Variants in MAGI3 observed in about 807,000 individuals in gnomAD.
MAGI3 encodes the protein membrane associated guanylate kinase, WW and PDZ domain containing 3, also known as membrane-associated guanylate kinase, WW and PDZ domain-containing protein 3.
Under a neutral mutation model 121.8 loss-of-function variants are expected in MAGI3, and 43 were observed. That is an observed-to-expected ratio of 0.35 (90% CI 0.28 to 0.46). MAGI3 has a LOEUF of 0.46. MAGI3 is among the 20% of genes least tolerant of loss of function. The probability of loss-of-function intolerance (pLI) is 1.00; values close to 1 mark genes in which losing one functional copy is unlikely to be tolerated. For missense variants in MAGI3, 1,547 were observed against 1,797.3 expected (o/e 0.86, Z 2.52); for synonymous variants, 553 against 639.3 (o/e 0.86, Z 2.04).
chr1:113,444,389 C>T (rs1450284024), intron 1 of MAGI3, among the ~76,000 whole-genome samples: 1 of 152,144 alleles, frequency 6.6e-6, no homozygotes, highest in Non-Finnish European at 1.5e-5. Context: ...GGGTTAGCAC[C>T]TTTACCTCCT....
chr1:113,561,843 G>C (rs1660249434), intron 2 of MAGI3, among the ~76,000 whole-genome samples: 1 of 152,180 alleles, frequency 6.6e-6, no homozygotes, highest in South Asian at 2.1e-4. Context: ...CCGATGACAT[G>C]ATCTCCTATA....
chr1:113,423,261 G>T lies in MAGI3; in HGVS notation c.316+31912G>T, dbSNP rs1299302449. On this transcript the variant is annotated intron_variant, in intron 1 of 20. Coordinates refer to ENST00000307546, the MANE Select transcript of MAGI3 (RefSeq NM_001142782.2). The stretch of plus-strand genomic sequence containing the variant: ...GTAAGTATTCGTTTTTTTTTTTTTG[G>T]GGGGGGGGTTGTTTTTGTTTTTGTT... Among the ~76,000 whole-genome samples the T allele has an allele frequency of 2.8e-3, 394 of 140,868 alleles. 4 individuals are homozygous for T. The highest frequency in any genetic ancestry group is 8.7e-3 in the African/African-American group (341 of 39,380). 92.4% of individuals were successfully genotyped at this position (140,868 alleles called of 152,430 possible). A position where few individuals can be genotyped will look rare whatever the true frequency, so the allele number is the denominator to read the frequency against.
intron 1 of MAGI3, among the ~76,000 whole-genome samples, chr1:113,489,203 C>T (rs1656556114): frequency 6.7e-6 from 1 of 150,330 alleles, no homozygotes; most frequent in Admixed American, 6.7e-5. Flanking sequence ...GATTTCTAAC[C>T]TCGAGGAGCC....
intron 9 of MAGI3, among the ~76,000 whole-genome samples, chr1:113,639,323 C>T (rs1042623078): frequency 4.6e-5 from 7 of 152,252 alleles, no homozygotes; most frequent in African/African-American, 7.2e-5. Flanking sequence ...CCATCTTCTG[C>T]GTCGCTCACG....
chr1:113,466,861 G>C (rs1452213184), intron 1 of MAGI3, among the ~76,000 whole-genome samples: 2 of 151,452 alleles, frequency 1.3e-5, no homozygotes, highest in Non-Finnish European at 2.9e-5. Flanking sequence ...TTAAAGATTT[G>C]TCAATTTTGT....
chr1:113,473,665 A>G (rs78377411), intron 1 of MAGI3, among the ~76,000 whole-genome samples: 83,127 of 151,954 alleles, frequency 0.55, 24,094 homozygotes, highest in African/African-American at 0.73. Flanking sequence ...CCAGTCTATC[A>G]TCGATGGACA....
At chr1:113,637,920 TG>T (rs1398864763) in intron 9 of MAGI3, among the ~76,000 whole-genome samples, 2 of 152,180 alleles carry the variant, frequency 1.3e-5, no homozygotes, top group Non-Finnish European at 2.9e-5. Context: ...TTGGAGGCTT[TG>T]TTCATTTCTT....
intron 2 of MAGI3, among the ~76,000 whole-genome samples, chr1:113,551,588 T>G (rs920624890): frequency 6.6e-6 from 1 of 152,212 alleles, no homozygotes; most frequent in African/African-American, 2.4e-5. Context: ...AATTTGTATT[T>G]GCCTGATGTG....
At chr1:113,548,858 G>A (rs1199155963) in intron 1 of MAGI3, among the ~76,000 whole-genome samples, 2 of 152,146 alleles carry the variant, frequency 1.3e-5, no homozygotes, top group African/African-American at 4.8e-5. Flanking sequence ...TTAGGGTGGT[G>A]GCAAATGAAA....
intron 1 of MAGI3, among the ~76,000 whole-genome samples, chr1:113,547,430 C>T (rs922721569): frequency 3.9e-5 from 6 of 152,040 alleles, no homozygotes; most frequent in Admixed American, 1.3e-4. Context: ...ATTTAGATGT[C>T]GGAGCCTACA....
intron 1 of MAGI3, among the ~76,000 whole-genome samples, chr1:113,531,050 CTT>C (rs1401175437): frequency 1.3e-5 from 2 of 152,142 alleles, no homozygotes; most frequent in African/African-American, 2.4e-5. Context: ...TCAAAGGAAA[CTT>C]GAATAATTTT....
intron 19 of MAGI3, among the ~76,000 whole-genome samples, chr1:113,680,141 T>C (rs564353113): frequency 3.3e-5 from 5 of 152,342 alleles, no homozygotes; most frequent in Admixed American, 3.3e-4. Context: ...TTCAAATACC[T>C]CATGTATGTA....
intron 2 of MAGI3, among the ~76,000 whole-genome samples, chr1:113,565,884 T>C (rs1222719481): frequency 6.6e-6 from 1 of 152,208 alleles, no homozygotes; most frequent in Non-Finnish European, 1.5e-5. Context: ...CCTGGAAATA[T>C]CAACCTTAAC....
chr1:113,394,445 TTG>T (rs1364283819), intron 1 of MAGI3, among the ~76,000 whole-genome samples: 15 of 152,326 alleles, frequency 9.8e-5, no homozygotes, highest in South Asian at 2.1e-4. Flanking sequence ...AGTTTGAACT[TTG>T]TCTTTTCCCA....
chr1:113,600,159 CA>C (rs1164282807), intron 6 of MAGI3, among the ~76,000 whole-genome samples: 12 of 152,134 alleles, frequency 7.9e-5, no homozygotes, highest in African/African-American at 2.7e-4. Context: ...TGAAAACTGG[CA>C]CAAGACAGGG....
chr1:113,440,204 A>C (rs1258135289), intron 1 of MAGI3, among the ~76,000 whole-genome samples: 1 of 152,234 alleles, frequency 6.6e-6, no homozygotes, highest in Non-Finnish European at 1.5e-5. Flanking sequence ...GATGCTTTAT[A>C]AGATGCTAGT....
intron 1 of MAGI3, among the ~76,000 whole-genome samples, chr1:113,472,986 TTTAC>T (rs1442783877): frequency 2.0e-5 from 3 of 152,232 alleles, no homozygotes; most frequent in Non-Finnish European, 4.4e-5. Context: ...TTGAAAGCGA[TTTAC>T]ACACCACTAT....
chr1:113,546,502 A>G (rs1659540071), intron 1 of MAGI3, among the ~76,000 whole-genome samples: 1 of 151,762 alleles, frequency 6.6e-6, no homozygotes. Flanking sequence ...ACACCCTGCT[A>G]ATTTTTGTAT....
At chr1:113,515,376 A>G (rs929875499) in intron 1 of MAGI3, among the ~76,000 whole-genome samples, 5 of 152,088 alleles carry the variant, frequency 3.3e-5, no homozygotes, top group Admixed American at 6.6e-5. Flanking sequence ...TAGGAAATGA[A>G]TTTTTACTAT....
Sources: gnomAD v4.1 joint callset for allele counts (sites outside exome capture counted in the v4.1 genomes callset) on GRCh38, gnomAD v4.1.1 for gene constraint, MANE v1.5 for transcripts, NCBI Gene and HGNC (gene_info 2026-07-23, HGNC 2026-07-21) for gene names.